Variants in ATXN1 observed in about 807,000 individuals in gnomAD.
ATXN1 encodes ataxin 1.
A neutral mutation model predicts 56.4 loss-of-function variants in ATXN1; 8 were observed. The observed-to-expected ratio is 0.14, with a 90% CI of 0.08 to 0.26. ATXN1 has a LOEUF of 0.26. Among genes scored for constraint, ATXN1 ranks in the 10% least tolerant of loss-of-function variants. The pLI is 1.00. For synonymous variants in ATXN1, 514 were observed against 494.6 expected (o/e 1.04, Z -0.52); for missense variants, 987 against 1,106.5 (o/e 0.89, Z 1.53).
chr6:16,313,768 G>C (rs372385730), intron 7 of ATXN1, among the ~76,000 whole-genome samples: 2 of 151,852 alleles, frequency 1.3e-5, no homozygotes, highest in Non-Finnish European at 2.9e-5. Flanking sequence ...CACCATGTTG[G>C]CCAAGCTAGT....
In ATXN1 at chr6:16,638,742, C is replaced by T. The variant is rs544450143; in HGVS notation, c.-489+19034G>A. Among the ~76,000 whole-genome samples, 61 of 152,278 alleles carry T rather than the reference C, an allele frequency of 4.0e-4. 2 individuals are homozygous for T. In the South Asian group the frequency reaches 8.3e-3, roughly 21 times the overall value. ...TAGAAATGTTTACAAATTATGTTGTCGAGCTGTTAAATGAATTCCAATATG... is the reference window on the plus strand; with the variant it reads ...TAGAAATGTTTACAAATTATGTTGTTGAGCTGTTAAATGAATTCCAATATG... On this transcript the variant is annotated intron_variant, in intron 3 of 7. Transcript: ENST00000436367.
intron 7 of ATXN1, among the ~76,000 whole-genome samples, chr6:16,322,736 C>CCCATCT (rs1016293401): frequency 1.8e-4 from 27 of 152,188 alleles, no homozygotes; most frequent in African/African-American, 6.5e-4. Flanking sequence ...CTCTCTCCCT[C>CCCATCT]CCATCTCCCC....
At chr6:16,500,206 T>A (rs908262864) in intron 5 of ATXN1, among the ~76,000 whole-genome samples, 6 of 152,214 alleles carry the variant, frequency 3.9e-5, no homozygotes, top group Non-Finnish European at 8.8e-5. Context: ...CAGTTATCAT[T>A]CACTCTTCTC....
chr6:16,347,102 G>A (rs549333468), intron 6 of ATXN1, among the ~76,000 whole-genome samples: 11 of 152,328 alleles, frequency 7.2e-5, no homozygotes, highest in South Asian at 2.1e-4. Context: ...CCTGCAGCCC[G>A]CCATGCCTGA....
intron 6 of ATXN1, among the ~76,000 whole-genome samples, chr6:16,455,324 G>A (rs1414497076): frequency 1.3e-5 from 2 of 152,148 alleles, no homozygotes; most frequent in Non-Finnish European, 1.5e-5. Flanking sequence ...ATAAAAAGAT[G>A]CTCCACATTA....
chr6:16,585,036 C>T (rs1347848980), intron 4 of ATXN1, among the ~76,000 whole-genome samples: 2 of 151,344 alleles, frequency 1.3e-5, no homozygotes, highest in Admixed American at 1.3e-4. Flanking sequence ...AGTTTGAGAC[C>T]AGCCTGGGCA....
At chr6:16,577,048 T>C (rs1762435322) in intron 4 of ATXN1, among the ~76,000 whole-genome samples, 1 of 152,136 alleles carries the variant, frequency 6.6e-6, no homozygotes, top group Non-Finnish European at 1.5e-5. Context: ...CTTCACTGTC[T>C]CCGTTTCAGT....
chr6:16,761,061 CACAT>C (rs1380327880), intron 1 of ATXN1: 5 of 303,438 alleles, frequency 1.6e-5, no homozygotes, highest in South Asian at 7.1e-5. Flanking sequence ...TGTATGTACA[CACAT>C]ACACACACAC....
intron 4 of ATXN1, among the ~76,000 whole-genome samples, chr6:16,548,648 G>A (rs1254686567): frequency 6.6e-6 from 1 of 151,822 alleles, no homozygotes; most frequent in African/African-American, 2.4e-5. Flanking sequence ...ACTAAGGCAG[G>A]AGCAGTGGTG....
chr6:16,661,028 G>A (rs765641763), intron 2 of ATXN1, among the ~76,000 whole-genome samples: 27 of 151,496 alleles, frequency 1.8e-4, no homozygotes, highest in Non-Finnish European at 3.2e-4. Flanking sequence ...TAGTGGAGAC[G>A]GGATTTCACC....
At chr6:16,588,364 T>C (rs1762665985) in intron 3 of ATXN1, among the ~76,000 whole-genome samples, 1 of 152,256 alleles carries the variant, frequency 6.6e-6, no homozygotes, top group Non-Finnish European at 1.5e-5. Flanking sequence ...ATGGCTGGCT[T>C]ACTTTCAATT....
chr6:16,754,790 G>A (rs1374315377), intron 1 of ATXN1: 1 of 152,140 alleles, frequency 6.6e-6, no homozygotes, highest in Non-Finnish European at 1.5e-5. Flanking sequence ...ACACTATAAG[G>A]TCTTTCAGAT....
At chr6:16,581,273 G>A (rs1762525930) in intron 4 of ATXN1, among the ~76,000 whole-genome samples, 1 of 151,526 alleles carries the variant, frequency 6.6e-6, no homozygotes, top group Non-Finnish European at 1.5e-5. Flanking sequence ...TGTGGATGGG[G>A]AGTAGGGGAT....
At position 16,328,480 on chromosome 6, in the gene ATXN1, G is replaced by C; in HGVS notation, c.-160-10C>G. On this transcript the variant is annotated splice_polypyrimidine_tract_variant and intron_variant, in intron 6 of 7. Coordinates refer to ENST00000436367, the MANE Select transcript of ATXN1 (RefSeq NM_001128164.2). This position sits in a 1 kb window ranked among gnomAD's most constrained non-coding sequence, Gnocchi z 6.2. ...ACAGCAGCTCTGGATGCTGGGAAAG[G>C]GAAGAGGGCAGTGACAAAGGGAAAA... 8.2e-7 allele frequency: 1 copy of C among 1,220,546 alleles called. No individual in the cohort carries two copies. Among genetic ancestry groups the C allele is most frequent in the Non-Finnish European group, 1.1e-6 (1 of 951,442 alleles). The allele number at this position is 1,220,546 out of a possible 1,614,324, so 75.6% of individuals were successfully genotyped here.
intron 3 of ATXN1, among the ~76,000 whole-genome samples, chr6:16,621,725 C>CA (rs1763324337): frequency 6.6e-6 from 1 of 152,032 alleles, no homozygotes; most frequent in Non-Finnish European, 1.5e-5. Context: ...AAACAAAAAA[C>CA]AAAGAATTAA....
intron 7 of ATXN1, among the ~76,000 whole-genome samples, chr6:16,325,913 A>G (rs1467935648): frequency 6.6e-6 from 1 of 152,168 alleles, no homozygotes; most frequent in African/African-American, 2.4e-5. Flanking sequence ...GACCGAAGGC[A>G]TATACCACTG....
At chr6:16,641,299 A>G (rs572876124) in intron 3 of ATXN1, among the ~76,000 whole-genome samples, 1 of 152,352 alleles carries the variant, frequency 6.6e-6, no homozygotes, top group South Asian at 2.1e-4. Flanking sequence ...ATGCCATTTA[A>G]GACTTTCATA....
chr6:16,466,237 C>T (rs1760102579), intron 6 of ATXN1, among the ~76,000 whole-genome samples: 1 of 146,956 alleles, frequency 6.8e-6, no homozygotes, highest in African/African-American at 2.6e-5. Flanking sequence ...ATCGCTTGTA[C>T]CCAGGCGGGG....
chr6:16,407,449 G>A (rs1245152736), intron 6 of ATXN1, among the ~76,000 whole-genome samples: 3 of 152,148 alleles, frequency 2.0e-5, no homozygotes, highest in Non-Finnish European at 4.4e-5. Flanking sequence ...TCATAGTAAG[G>A]CTGTCCTAAG....
Sources: allele counts gnomAD v4.1 joint callset (sites outside exome capture counted in the v4.1 genomes callset), GRCh38; gene constraint gnomAD v4.1.1; non-coding constraint Gnocchi (gnomAD v3.1); transcripts MANE v1.5; gene names NCBI Gene and HGNC (gene_info 2026-07-23, HGNC 2026-07-21).